Variants in ELP4 observed in about 807,000 individuals in gnomAD.
ELP4 encodes elongator complex protein 4.
Under a neutral mutation model 48.9 loss-of-function variants are expected in ELP4, and 51 were observed. That is an observed-to-expected ratio of 1.04 (90% CI 0.83 to 1.32). The LOEUF (loss-of-function observed/expected upper bound fraction) is 1.32, where lower values mean the gene tolerates loss of function less well. ELP4 is among the 40% of genes most tolerant of loss of function. The pLI is 0.00. For synonymous variants in ELP4, 210 were observed against 189.2 expected, an observed-to-expected ratio of 1.11 and a Z score of -0.90; for missense variants, 519 against 514.6, an observed-to-expected ratio of 1.01 and a Z score of -0.08.
intron 9 of ELP4, among the ~76,000 whole-genome samples, chr11:31,711,150 AAAAC>A (rs1402768065): frequency 3.3e-5 from 5 of 152,228 alleles, no homozygotes; most frequent in Admixed American, 1.3e-4. Context: ...ATAAATGTAA[AAAAC>A]AAAGTGTACT....
chr11:31,535,914 C>A (rs994881543), intron 2 of ELP4, among the ~76,000 whole-genome samples: 1 of 152,036 alleles, frequency 6.6e-6, no homozygotes, highest in African/African-American at 2.4e-5. Context: ...CATGTTGTTG[C>A]ATGTATAGTC....
At chr11:31,576,649 A>G (rs575097378) in intron 3 of ELP4, among the ~76,000 whole-genome samples, 13 of 152,214 alleles carry the variant, frequency 8.5e-5, no homozygotes, top group Admixed American at 2.6e-4. Flanking sequence ...ACTCAAAACC[A>G]CTCAACTGTA....
intron 2 of ELP4, among the ~76,000 whole-genome samples, chr11:31,520,754 A>G (rs1348655972): frequency 6.6e-6 from 1 of 152,050 alleles, no homozygotes; most frequent in Non-Finnish European, 1.5e-5. Context: ...GACACCCTTA[A>G]AATATTTGAA....
intron 2 of ELP4, among the ~76,000 whole-genome samples, chr11:31,527,542 A>C (rs1956316991): frequency 1.3e-5 from 2 of 152,080 alleles, no homozygotes; most frequent in South Asian, 4.1e-4. Context: ...CACATGCCAG[A>C]GACCTGAGTG....
chr11:31,740,774 C>T (rs879824674), intron 9 of ELP4, among the ~76,000 whole-genome samples: 7 of 151,896 alleles, frequency 4.6e-5, no homozygotes, highest in African/African-American at 1.2e-4. Flanking sequence ...CCAAGATGGC[C>T]GAATAGGAAC....
At chr11:31,547,701 C>T (rs1565046657) in intron 3 of ELP4, among the ~76,000 whole-genome samples, 1 of 152,258 alleles carries the variant, frequency 6.6e-6, no homozygotes, top group Non-Finnish European at 1.5e-5. Flanking sequence ...AATTTTAGAC[C>T]AATATCCTTG....
At chr11:31,743,631 C>T (rs1440258212) in intron 9 of ELP4, among the ~76,000 whole-genome samples, 1 of 152,034 alleles carries the variant, frequency 6.6e-6, no homozygotes, top group Non-Finnish European at 1.5e-5. Flanking sequence ...ACTGAACAAC[C>T]TGCTCCTGAA....
chr11:31,601,986 G>A (rs1565074781), intron 4 of ELP4, among the ~76,000 whole-genome samples: 2 of 152,002 alleles, frequency 1.3e-5, no homozygotes, highest in African/African-American at 2.4e-5. Flanking sequence ...AATCCATGCT[G>A]CTGCATGGAT....
At chr11:31,707,160 A>G in intron 9 of ELP4, 1 of 393,670 alleles carries the variant, frequency 2.5e-6, no homozygotes, top group Non-Finnish European at 4.5e-6. Context: ...CCTTCATACT[A>G]TTCTTCATAG....
chr11:31,686,323 G>T (rs1946158642), intron 9 of ELP4, among the ~76,000 whole-genome samples: 1 of 147,546 alleles, frequency 6.8e-6, no homozygotes. Context: ...TGATCTTGTG[G>T]GTTGGTTTTT....
Position 31,509,946 on chromosome 11 carries a change from G to T in ELP4, c.162G>T (p.Pro54=), listed in dbSNP as rs767890074. Residue 54 remains proline (P), a synonymous_variant, in exon 1 of 10, where the codon CCG becomes CCT. Coordinates refer to ENST00000640961, the MANE Select transcript of ELP4 (RefSeq NM_019040.5). The part of the protein sequence containing the change: ...PRLVSIAGTR[P]SVRNGQLLVS... Reference sequence around the variant, plus strand: ...TGGTGTCCATTGCGGGCACGCGACCGTCGGTGCGGAATGGACAGCTGCTGG... The same window carrying T: ...TGGTGTCCATTGCGGGCACGCGACCTTCGGTGCGGAATGGACAGCTGCTGG... The T allele has an allele frequency of 1.9e-6, 3 of 1,613,424 alleles. No individual in the cohort carries two copies. The Admixed American group carries it at 5.0e-5, about 27-fold the overall frequency.
At chr11:31,579,967 G>GA (rs903633055) in intron 3 of ELP4, among the ~76,000 whole-genome samples, 19 of 150,872 alleles carry the variant, frequency 1.3e-4, no homozygotes, top group African/African-American at 4.4e-4. Context: ...AAAACAACTA[G>GA]AAAAAAAAAG....
At chr11:31,679,311 A>G (rs1008246746) in intron 9 of ELP4, among the ~76,000 whole-genome samples, 2 of 152,236 alleles carry the variant, frequency 1.3e-5, no homozygotes, top group Non-Finnish European at 2.9e-5. Flanking sequence ...GCTTTATATT[A>G]TATCTTGAAG....
chr11:31,652,483 A>G (rs1311760031), intron 9 of ELP4: 1 of 151,716 alleles, frequency 6.6e-6, no homozygotes, highest in Non-Finnish European at 1.5e-5. Context: ...AACTAGAAAC[A>G]GGGGTAGAAA....
chr11:31,527,336 G>A (rs1177872577), intron 2 of ELP4, among the ~76,000 whole-genome samples: 1 of 152,034 alleles, frequency 6.6e-6, no homozygotes, highest in Non-Finnish European at 1.5e-5. Context: ...GTAATCTCCA[G>A]ACATCGCTAC....
intron 9 of ELP4, among the ~76,000 whole-genome samples, chr11:31,777,935 A>G (rs1391437014): frequency 6.6e-6 from 1 of 152,238 alleles, no homozygotes; most frequent in Non-Finnish European, 1.5e-5. Context: ...GCAGTTCAGA[A>G]TACAAACTGG....
At chr11:31,618,646 A>G (rs1314189468) in intron 5 of ELP4, among the ~76,000 whole-genome samples, 1 of 152,110 alleles carries the variant, frequency 6.6e-6, no homozygotes, top group East Asian at 1.9e-4. Context: ...AAAAGACAAC[A>G]TATTACATGA....
intron 9 of ELP4, among the ~76,000 whole-genome samples, chr11:31,761,407 C>G (rs867195293): frequency 6.6e-6 from 1 of 151,528 alleles, no homozygotes; most frequent in African/African-American, 2.4e-5. Flanking sequence ...TAACTATACC[C>G]AAGATTGAAC....
At chr11:31,701,895 T>C (rs1484103911) in intron 9 of ELP4, among the ~76,000 whole-genome samples, 2 of 152,040 alleles carry the variant, frequency 1.3e-5, no homozygotes, top group Non-Finnish European at 2.9e-5. Flanking sequence ...ATACCTTTAT[T>C]TCTCAGCATA....
Sources: gnomAD v4.1 joint callset for allele counts (sites outside exome capture counted in the v4.1 genomes callset) on GRCh38, gnomAD v4.1.1 for gene constraint, MANE v1.5 for transcripts, NCBI Gene and HGNC (gene_info 2026-07-23, HGNC 2026-07-21) for gene names.